CHST9: variants seen among roughly 807,000 people sequenced by gnomAD.
CHST9 encodes the protein GalNAc-4-sulfotransferase 2.
Under a neutral mutation model 44.4 loss-of-function variants are expected in CHST9, and 41 were observed. The observed-to-expected ratio is 0.92, with a 90% CI of 0.72 to 1.20. The LOEUF (loss-of-function observed/expected upper bound fraction) is 1.20. CHST9 is among the 50% of genes most tolerant of loss of function. The pLI, the probability that CHST9 is intolerant of heterozygous loss-of-function variation, is 0.00. For missense variants in CHST9, 504 were observed against 516.5 expected, an observed-to-expected ratio of 0.98 and a Z score of 0.23; for synonymous variants, 171 against 178.4, an observed-to-expected ratio of 0.96 and a Z score of 0.33.
At chr18:26,941,405 T>G (rs1398272029) in intron 5 of CHST9, among the ~76,000 whole-genome samples, 1 of 152,230 alleles carries the variant, frequency 6.6e-6, no homozygotes, top group Non-Finnish European at 1.5e-5. Context: ...GTCTTTTATA[T>G]AATAAGGCAG....
At chr18:27,039,931 T>A (rs147679053) in intron 3 of CHST9, among the ~76,000 whole-genome samples, 268 of 152,254 alleles carry the variant, frequency 1.8e-3, no homozygotes, top group African/African-American at 6.3e-3. Flanking sequence ...AGGTTTTGAA[T>A]GTAGTGTTTT....
chr18:27,081,441 A>G (rs2057959998), intron 2 of CHST9, among the ~76,000 whole-genome samples: 1 of 152,200 alleles, frequency 6.6e-6, no homozygotes, highest in Non-Finnish European at 1.5e-5. Context: ...ATTGCAGGAG[A>G]ACAGGAAAAG....
chr18:27,060,442 G>C (rs1336265757), intron 2 of CHST9, among the ~76,000 whole-genome samples: 1 of 152,206 alleles, frequency 6.6e-6, no homozygotes, highest in African/African-American at 2.4e-5. Context: ...CACTGGCACA[G>C]TGCAGCTCAC....
chr18:27,092,019 T>C (rs1404819212), intron 2 of CHST9, among the ~76,000 whole-genome samples: 1 of 152,218 alleles, frequency 6.6e-6, no homozygotes. Context: ...TCAGAGGGAA[T>C]GGTACCAGCT....
intron 2 of CHST9, among the ~76,000 whole-genome samples, chr18:27,132,070 G>T (rs1325616515): frequency 6.6e-6 from 1 of 152,056 alleles, no homozygotes; most frequent in Non-Finnish European, 1.5e-5. Context: ...CTTACTAAAG[G>T]CATCTTGGGT....
chr18:27,179,634 T>C (rs1170176739), intron 1 of CHST9, among the ~76,000 whole-genome samples: 2 of 152,098 alleles, frequency 1.3e-5, no homozygotes, highest in East Asian at 3.9e-4. Context: ...TCTAAAAATA[T>C]TCCATATAAA....
At chr18:26,963,037 A>C (rs1316663975) in intron 4 of CHST9, among the ~76,000 whole-genome samples, 1 of 152,214 alleles carries the variant, frequency 6.6e-6, no homozygotes, top group African/African-American at 2.4e-5. Context: ...TTGAGGGTTC[A>C]GTAAGTTATT....
At chr18:26,987,728 G>A (rs1346367329) in intron 4 of CHST9, among the ~76,000 whole-genome samples, 1 of 152,224 alleles carries the variant, frequency 6.6e-6, no homozygotes, top group East Asian at 1.9e-4. Flanking sequence ...GGGGTCTTTT[G>A]GGAGATGATT....
intron 1 of CHST9, among the ~76,000 whole-genome samples, chr18:27,159,250 T>C (rs1353679356): frequency 6.6e-6 from 1 of 152,220 alleles, no homozygotes; most frequent in Non-Finnish European, 1.5e-5. Flanking sequence ...AGGTCTAACA[T>C]TTAAGTCTTT....
intron 4 of CHST9, among the ~76,000 whole-genome samples, chr18:27,012,382 T>C (rs991440642): frequency 1.3e-5 from 2 of 152,196 alleles, no homozygotes; most frequent in African/African-American, 4.8e-5. Context: ...AGAAAATATT[T>C]TTAAGAAAAT....
At chr18:27,005,635 A>G (rs1255613121) in intron 4 of CHST9, among the ~76,000 whole-genome samples, 1 of 152,162 alleles carries the variant, frequency 6.6e-6, no homozygotes, top group African/African-American at 2.4e-5. Context: ...ACATTAAAAG[A>G]TCCTGGAATA....
chr18:27,163,369 G>C lies in CHST9; in HGVS notation c.-96-20464C>G, dbSNP rs551266687. Among the ~76,000 whole-genome samples, 4 of 152,300 alleles carry C rather than the reference G, an allele frequency of 2.6e-5. No individual in the cohort carries two copies. The South Asian group carries it at 8.3e-4, about 32-fold the overall frequency. Reference sequence around the variant, plus strand: ...AGACAGGGACATTTAAGTCTGCAGAGGATTCTGCTGCCTTTTGTTTGGCTG... The same window carrying C: ...AGACAGGGACATTTAAGTCTGCAGACGATTCTGCTGCCTTTTGTTTGGCTG... On this transcript the variant is annotated intron_variant, in intron 1 of 5. Transcript: ENST00000618847.
chr18:27,012,906 A>G (rs1181445807), intron 4 of CHST9, among the ~76,000 whole-genome samples: 2 of 152,238 alleles, frequency 1.3e-5, no homozygotes, highest in South Asian at 2.1e-4. Flanking sequence ...ATTAAATTAT[A>G]TCTAATTTAA....
At chr18:27,053,248 A>AG in intron 2 of CHST9, among the ~76,000 whole-genome samples, 3 of 106,142 alleles carry the variant, frequency 2.8e-5, no homozygotes, top group African/African-American at 1.0e-4. Flanking sequence ...AAGAAGAAGA[A>AG]GAAGAAGAAG....
chr18:27,157,403 G>C (rs1167586121), intron 1 of CHST9, among the ~76,000 whole-genome samples: 1 of 152,188 alleles, frequency 6.6e-6, no homozygotes, highest in Non-Finnish European at 1.5e-5. Context: ...CTCATTGCTA[G>C]CTTCAAGCAA....
chr18:27,105,593 A>G (rs1168441208), intron 2 of CHST9, among the ~76,000 whole-genome samples: 1 of 152,174 alleles, frequency 6.6e-6, no homozygotes. Context: ...CTTTTGAGAA[A>G]TATCCCTATG....
At chr18:27,042,341 T>C (rs1394149903) in intron 3 of CHST9, among the ~76,000 whole-genome samples, 6 of 152,026 alleles carry the variant, frequency 3.9e-5, no homozygotes, top group South Asian at 2.1e-4. Context: ...CAGACCTAGA[T>C]CCAGGGGCAC....
At chr18:27,034,686 G>T (rs1231299929) in intron 3 of CHST9, among the ~76,000 whole-genome samples, 1 of 152,078 alleles carries the variant, frequency 6.6e-6, no homozygotes, top group Non-Finnish European at 1.5e-5. Flanking sequence ...TCTTCTCTCA[G>T]ATCTGCTCAA....
At chr18:27,151,247 T>C (rs1419677003) in intron 1 of CHST9, among the ~76,000 whole-genome samples, 1 of 152,134 alleles carries the variant, frequency 6.6e-6, no homozygotes, top group Non-Finnish European at 1.5e-5. Context: ...TTTCTATATG[T>C]TTTCACTCAA....
Sources: allele counts gnomAD v4.1 joint callset (sites outside exome capture counted in the v4.1 genomes callset), GRCh38; gene constraint gnomAD v4.1.1; transcripts MANE v1.5; gene names NCBI Gene and HGNC (gene_info 2026-07-23, HGNC 2026-07-21).